The following NBL1 variants were observed in gnomAD, a reference collection of about 807,000 sequenced individuals.
NBL1 encodes neuroblastoma suppressor of tumorigenicity 1.
In NBL1, 9 loss-of-function variants were observed where a neutral mutation model predicts 16.0. That is an observed-to-expected ratio of 0.56 (90% CI 0.34 to 0.98). NBL1 has a LOEUF of 0.98. NBL1 is among the 50% of genes least tolerant of loss of function. The pLI, the probability that NBL1 is intolerant of heterozygous loss-of-function variation, is 0.02. For synonymous variants in NBL1, 86 were observed against 100.7 expected, an observed-to-expected ratio of 0.85 and a Z score of 0.87; for missense variants, 196 against 243.1, an observed-to-expected ratio of 0.81 and a Z score of 1.29.
chr1:19,646,788 C>T (rs921617841), intron 1 of NBL1, among the ~76,000 whole-genome samples: 13 of 152,232 alleles, frequency 8.5e-5, no homozygotes, highest in Admixed American at 3.9e-4. Flanking sequence ...TCTCAGTTCC[C>T]ACCTTAGATA....
intron 1 of NBL1, chr1:19,645,464 CG>C: frequency 2.0e-6 from 2 of 991,934 alleles, no homozygotes; most frequent in Non-Finnish European, 2.4e-6. Flanking sequence ...TCCAGGCTTT[CG>C]GAGGCCCTCG....
chr1:19,657,083 A>AC lies in NBL1; in HGVS notation c.506dup (p.Gly170TrpfsTer11). 2.1e-6 allele frequency: 3 copies of AC among 1,412,554 alleles called. No homozygotes were observed. Among genetic ancestry groups the AC allele is most frequent in the South Asian group, 2.5e-5 (2 of 78,864 alleles). The allele number at this position is 1,412,554 out of a possible 1,614,324, so 87.5% of individuals were successfully genotyped here. On this transcript the variant is annotated frameshift_variant, in exon 4 of 4. Coordinates refer to ENST00000375136, the MANE Select transcript of NBL1 (RefSeq NM_005380.8). LOFTEE classifies it high-confidence loss of function. ...GGCGGGCAGACCCCTGAGCCCGAGG[A>AC]CCCCCCTGGGGCCCCCCACACAGAG...
Position 19,645,870 on chromosome 1 carries a change from C to CA in NBL1, c.-20+1425dup, listed in dbSNP as rs2094976419. 2.5e-5 allele frequency: 38 copies of CA among 1,529,568 alleles called. No individual in the cohort carries two copies. In the South Asian group the frequency reaches 4.7e-4, roughly 19 times the overall value. 94.7% of individuals were successfully genotyped at this position (1,529,568 alleles called of 1,614,324 possible). A position where few individuals can be genotyped will look rare whatever the true frequency, so the allele number is the denominator to read the frequency against. ...CAGGCTGAGTTTAGCTGCTTCCCCC[C>CA]ACCCACAACCTCAAGGGTCGGAGGC... is the stretch of plus-strand genomic sequence containing the variant. On this transcript the variant is annotated intron_variant, in intron 1 of 3. Transcript: ENST00000375136.
At chr1:19,648,143 T>C (rs553479091) in intron 1 of NBL1, among the ~76,000 whole-genome samples, 2 of 152,020 alleles carry the variant, frequency 1.3e-5, no homozygotes, top group African/African-American at 4.8e-5. Flanking sequence ...TCACTTGTTA[T>C]ACCAAAGCTA....
intron 1 of NBL1, among the ~76,000 whole-genome samples, chr1:19,646,287 C>T (rs539901318): frequency 1.3e-5 from 2 of 152,344 alleles, no homozygotes; most frequent in East Asian, 3.9e-4. Flanking sequence ...AATGGACGTT[C>T]CCAGGCCAGG....
At chr1:19,650,107 T>C (rs2095014742) in intron 1 of NBL1, among the ~76,000 whole-genome samples, 1 of 152,224 alleles carries the variant, frequency 6.6e-6, no homozygotes, top group Non-Finnish European at 1.5e-5. Context: ...CCGTGTGTGT[T>C]ACAGTGACCT....
chr1:19,657,297 T>C lies in NBL1; in HGVS notation c.*168T>C, dbSNP rs1570573538. ...GCCATGGAGATCTGAAGGGGCGGGG[T>C]TAGAGCCAAGCTGCACAATTTAATA... On this transcript the variant is annotated 3_prime_UTR_variant, in exon 4 of 4. Transcript: ENST00000375136. The C allele has an allele frequency of 3.9e-6, 2 of 515,750 alleles. No homozygotes were observed. The highest frequency in any genetic ancestry group is 6.9e-6 in the Non-Finnish European group (2 of 288,598). The allele number at this position is 515,750 out of a possible 1,614,324, so 31.9% of individuals were successfully genotyped here.
Position 19,647,850 on chromosome 1 carries a change from G to GGT in NBL1, c.-20+3418_-20+3419dup, listed in dbSNP as rs71579812. On this transcript the variant is annotated intron_variant, in intron 1 of 3. Transcript: ENST00000375136. ...CTGGAACCGGTAACAGGAAAGGCCT[G>GGT]GTGTGTGTGTGTGTGCGTGTGTGTG... 3.9e-3 allele frequency among the ~76,000 whole-genome samples: 554 copies of GGT among 143,378 alleles called. 6 individuals are homozygous for GGT. The highest frequency in any genetic ancestry group is 0.014 in the African/African-American group (512 of 36,236). 94.1% of individuals were successfully genotyped at this position (143,378 alleles called of 152,430 possible).
At chr1:19,645,411 G>C (rs1380242787) in intron 1 of NBL1, 12 of 987,332 alleles carry the variant, frequency 1.2e-5, no homozygotes, top group Non-Finnish European at 1.4e-5. Flanking sequence ...GCCTGCCTTG[G>C]CGTGGCCGGA....
intron 1 of NBL1, among the ~76,000 whole-genome samples, chr1:19,650,527 AG>A (rs1397383227): frequency 6.6e-6 from 1 of 152,198 alleles, no homozygotes; most frequent in African/African-American, 2.4e-5. Context: ...TGAACGGCCC[AG>A]GGCAGGGCAT....
At chr1:19,649,851 G>A (rs1255528668) in intron 1 of NBL1, among the ~76,000 whole-genome samples, 5 of 152,006 alleles carry the variant, frequency 3.3e-5, no homozygotes, top group Non-Finnish European at 7.4e-5. Context: ...TGTAGAGATG[G>A]GATCGTCTTA....
At chr1:19,643,967 C>T (rs1289356656), upstream of NBL1, 2 of 985,606 alleles carry the variant, frequency 2.0e-6, no homozygotes, top group South Asian at 9.4e-5. The surrounding 1 kb of genome is among the most constrained non-coding windows in gnomAD (Gnocchi z 4.7). Context: ...AAAAGTCGGG[C>T]GGAGAGAGTG....
Position 19,657,118 on chromosome 1 carries a change from G to A in NBL1, c.535G>A (p.Ala179Thr). 7.0e-7 allele frequency: 1 copy of A among 1,437,546 alleles called. No homozygotes were observed. The highest frequency in any genetic ancestry group is 2.4e-5 in the Admixed American group (1 of 42,088). The allele number at this position is 1,437,546 out of a possible 1,614,324, so 89.0% of individuals were successfully genotyped here. The change falls in exon 4 of 4, where the codon GCT becomes ACT. Residue 179 changes from alanine to threonine, a missense_variant. Ala to Thr is a moderately conservative substitution (Grantham distance 58). Transcript: ENST00000375136. ...PGAPHTEEEG[A>T]ED ...GGCCCCCCACACAGAGGAAGAGGGG[G>A]CTGAGGACTGAGGCCCCCCCAACTC...
intron 1 of NBL1, among the ~76,000 whole-genome samples, chr1:19,650,481 C>T (rs1055274810): frequency 3.3e-5 from 5 of 152,214 alleles, no homozygotes; most frequent in African/African-American, 1.2e-4. Flanking sequence ...TCTCCCCACC[C>T]TCCTAGAAGT....
chr1:19,644,102 G>A (rs2094962480), upstream of NBL1: 1 of 974,098 alleles, frequency 1.0e-6, no homozygotes, highest in East Asian at 1.2e-4. This position sits in a 1 kb window ranked among gnomAD's most constrained non-coding sequence, Gnocchi z 4.6. Flanking sequence ...GCGCGCCGAA[G>A]CTCAGCCCGG....
At chr1:19,653,376 C>T (rs1392938416) in intron 1 of NBL1, among the ~76,000 whole-genome samples, 1 of 152,142 alleles carries the variant, frequency 6.6e-6, no homozygotes, top group Non-Finnish European at 1.5e-5. Flanking sequence ...TCCCAAGCCA[C>T]CTGACTCCTG....
chr1:19,654,640 A>G lies in NBL1; in HGVS notation c.-19-372A>G, dbSNP rs2095045863. Among the ~76,000 whole-genome samples, 6 of 152,192 alleles carry G rather than the reference A, an allele frequency of 3.9e-5. No homozygotes were observed. The South Asian group carries it at 1.2e-3, about 32-fold the overall frequency. On this transcript the variant is annotated intron_variant, in intron 1 of 3. Coordinates refer to ENST00000375136, the MANE Select transcript of NBL1 (RefSeq NM_005380.8). ...TGTGCTTGAACACTTCGTAATCGCA[A>G]TCCTGTGCCAGGCAGTGGCACCATC...
In NBL1 at chr1:19,644,521, C is replaced by A; in HGVS notation, c.-20+75C>A. On this transcript the variant is annotated intron_variant, in intron 1 of 3. Coordinates refer to ENST00000375136, the MANE Select transcript of NBL1 (RefSeq NM_005380.8). This position sits in a 1 kb window ranked among gnomAD's most constrained non-coding sequence, Gnocchi z 4.6. ...GGCCGCGGGGGCAGTGCCGCGCCCCCAGCCCGGAGCTGCGTCCCCCGGCGC... is the reference window on the plus strand; with the variant it reads ...GGCCGCGGGGGCAGTGCCGCGCCCCAAGCCCGGAGCTGCGTCCCCCGGCGC... 1.2e-6 allele frequency: 1 copy of A among 834,866 alleles called. No individual in the cohort carries two copies. The highest frequency in any genetic ancestry group is 1.4e-6 in the Non-Finnish European group (1 of 694,550). 51.7% of individuals were successfully genotyped at this position (834,866 alleles called of 1,614,324 possible). A position where few individuals can be genotyped will look rare whatever the true frequency, so the allele number is the denominator to read the frequency against.
In NBL1 at chr1:19,647,601, C is replaced by T. The variant is rs1159408292; in HGVS notation, c.-20+3155C>T. The T allele has an allele frequency of 7.1e-6, 7 of 985,358 alleles. No individual in the cohort carries two copies. The African/African-American group carries it at 1.0e-4, about 15-fold the overall frequency. 61.0% of individuals were successfully genotyped at this position (985,358 alleles called of 1,614,324 possible). On this transcript the variant is annotated intron_variant, in intron 1 of 3. Transcript: ENST00000375136. The stretch of plus-strand genomic sequence containing the variant: ...GAGGGGGAGCATCTGGTTTGAAAGC[C>T]ACCAGCCACAAACGCTGCGTGCTCG...
Sources: allele counts gnomAD v4.1 joint callset (sites outside exome capture counted in the v4.1 genomes callset), GRCh38; gene constraint gnomAD v4.1.1; non-coding constraint Gnocchi (gnomAD v3.1); transcripts MANE v1.5; gene names NCBI Gene and HGNC (gene_info 2026-07-23, HGNC 2026-07-21).